The following ADD3 variants were observed in gnomAD, a reference collection of about 807,000 sequenced individuals.
The protein encoded by ADD3 is adducin 3, also known as gamma-adducin.
A neutral mutation model predicts 80.2 loss-of-function variants in ADD3; 25 were observed. That is an observed-to-expected ratio of 0.31 (90% CI 0.23 to 0.44). The LOEUF (loss-of-function observed/expected upper bound fraction) is 0.44, where lower values mean the gene tolerates loss of function less well. ADD3 is among the 20% of genes least tolerant of loss of function. ADD3 has a pLI of 1.00. For synonymous variants in ADD3, 284 were observed against 289.6 expected, an observed-to-expected ratio of 0.98 and a Z score of 0.20; for missense variants, 829 against 847.5, an observed-to-expected ratio of 0.98 and a Z score of 0.27.
chr10:110,091,542 C>G (rs1228364713), intron 1 of ADD3, among the ~76,000 whole-genome samples: 1 of 152,162 alleles, frequency 6.6e-6, no homozygotes, highest in African/African-American at 2.4e-5. Context: ...AAAGGATTCC[C>G]TATTCAATAA....
chr10:110,007,057 T>C (rs1359565739), upstream of ADD3, among the ~76,000 whole-genome samples: 1 of 151,604 alleles, frequency 6.6e-6, no homozygotes, highest in Non-Finnish European at 1.5e-5. Context: ...ATGAGAAACA[T>C]GTCTGGGCGA....
intron 11 of ADD3, 142 bp downstream of exon 11, chr10:110,126,087 A>T: frequency 1.2e-6 from 1 of 830,310 alleles, no homozygotes; most frequent in Non-Finnish European, 1.8e-6. Flanking sequence ...ATTTTAGCTT[A>T]TATTGAATGC....
chr10:110,118,611 G>A lies in ADD3; in HGVS notation c.592G>A (p.Val198Met), dbSNP rs1029930282. The A allele has an allele frequency of 6.2e-7, 1 of 1,613,990 alleles. No homozygotes were observed. Among genetic ancestry groups the A allele is most frequent in the Admixed American group, 1.7e-5 (1 of 60,030 alleles). ...NLVKVNIIGE[V>M]VDQGSTNLKI... ...GGTGAAAGTCAATATAATAGGAGAAGTGGTTGACCAGGGAAGTACCAATTT... is the reference window on the plus strand; with the variant it reads ...GGTGAAAGTCAATATAATAGGAGAAATGGTTGACCAGGGAAGTACCAATTT... The change falls in exon 6 of 15, where the codon GTG becomes ATG. Residue 198 changes from valine to methionine, a missense_variant. Val to Met is a conservative substitution (Grantham distance 21). Transcript: ENST00000356080.
At chr10:110,022,896 T>G (rs1037192303) in intron 1 of ADD3, among the ~76,000 whole-genome samples, 3 of 152,122 alleles carry the variant, frequency 2.0e-5, no homozygotes, top group Non-Finnish European at 4.4e-5. Context: ...CAAAGCCACG[T>G]AAGTCTGTGG....
At chr10:110,068,029 TAAAC>T (rs1391036886) in intron 1 of ADD3, among the ~76,000 whole-genome samples, 1 of 152,128 alleles carries the variant, frequency 6.6e-6, no homozygotes, top group Non-Finnish European at 1.5e-5. Flanking sequence ...ACCTTTCAGT[TAAAC>T]AAAACCAAAA....
intron 1 of ADD3, among the ~76,000 whole-genome samples, chr10:110,070,482 G>T (rs533790735): frequency 1.3e-5 from 2 of 152,330 alleles, no homozygotes; most frequent in South Asian, 4.1e-4. Flanking sequence ...TAGGTTATGT[G>T]ATCAGTACTG....
rs1271214597 is a variant in ADD3 at position 110,076,216 on chromosome 10, A to G, written c.-29-24409A>G. ...TGTTTCTGAATATGCGTATACAGAA[A>G]ACAGTATTGGTTAAAATCACTTGAA... On this transcript the variant is annotated intron_variant, in intron 1 of 14. Transcript: ENST00000356080. 3.3e-5 allele frequency among the ~76,000 whole-genome samples: 5 copies of G among 152,198 alleles called. No homozygotes were observed. The East Asian group carries it at 9.6e-4, about 29-fold the overall frequency.
chr10:110,011,084 C>CT (rs35981424), intron 1 of ADD3, among the ~76,000 whole-genome samples: 38,677 of 142,402 alleles, frequency 0.27, 7,263 homozygotes, highest in African/African-American at 0.53. Context: ...ATACTAAAGT[C>CT]TTTTTTTTTT....
intron 1 of ADD3, among the ~76,000 whole-genome samples, chr10:110,049,054 A>G (rs1857205690): frequency 6.6e-6 from 1 of 152,162 alleles, no homozygotes; most frequent in African/African-American, 2.4e-5. Context: ...CTTGTGTCCC[A>G]ATCACTCTAG....
chr10:110,012,830 C>A (rs1182090820), intron 1 of ADD3, among the ~76,000 whole-genome samples: 1 of 151,896 alleles, frequency 6.6e-6, no homozygotes, highest in African/African-American at 2.4e-5. Context: ...AACTCCTGGG[C>A]TCAAGCCATC....
intron 1 of ADD3, among the ~76,000 whole-genome samples, chr10:110,035,268 C>T (rs1326539119): frequency 6.6e-6 from 1 of 152,142 alleles, no homozygotes; most frequent in Non-Finnish European, 1.5e-5. Context: ...ATTATGTCAG[C>T]GCCCCCTTGC....
chr10:110,078,776 A>C (rs1174039351), intron 1 of ADD3, among the ~76,000 whole-genome samples: 1 of 152,208 alleles, frequency 6.6e-6, no homozygotes, highest in Non-Finnish European at 1.5e-5. Context: ...GTTTCATTTC[A>C]AAAAATATTG....
chr10:110,091,858 T>G (rs1262215444), intron 1 of ADD3, among the ~76,000 whole-genome samples: 3 of 152,040 alleles, frequency 2.0e-5, no homozygotes, highest in Non-Finnish European at 2.9e-5. Context: ...CCAACAAAGG[T>G]GTAATATCCA....
At chr10:110,127,482 TGGCG>T in intron 12 of ADD3, among the ~76,000 whole-genome samples, 1 of 152,304 alleles carries the variant, frequency 6.6e-6, no homozygotes, top group Admixed American at 6.5e-5. Flanking sequence ...CTGTGCGTGG[TGGCG>T]TGCACCTGTA....
At position 110,029,316 on chromosome 10, in the gene ADD3, A is replaced by G. The variant is rs550730399; in HGVS notation, c.-30+21017A>G. 2.6e-5 allele frequency among the ~76,000 whole-genome samples: 4 copies of G among 152,344 alleles called. No homozygotes were observed. In the South Asian group the frequency reaches 8.3e-4, roughly 32 times the overall value. On this transcript the variant is annotated intron_variant, in intron 1 of 14. Coordinates refer to ENST00000356080, the MANE Select transcript of ADD3 (RefSeq NM_016824.5). ...TTATAAACTTGTAGTAATTGGAACT[A>G]AGGAAAACATCTCTAAATGGAAGAA...
At chr10:110,054,688 C>G (rs1307349940) in intron 1 of ADD3, among the ~76,000 whole-genome samples, 1 of 151,322 alleles carries the variant, frequency 6.6e-6, no homozygotes, top group East Asian at 1.9e-4. Context: ...TCTCCGCTCA[C>G]TGCAAGCTCT....
At chr10:110,122,904 T>G (rs773712507) in intron 9 of ADD3, among the ~76,000 whole-genome samples, 10 of 152,104 alleles carry the variant, frequency 6.6e-5, no homozygotes, top group African/African-American at 1.2e-4. Context: ...AGTGCTGGGA[T>G]TACTGGCGTG....
At chr10:110,020,893 G>A (rs1253086333) in intron 1 of ADD3, among the ~76,000 whole-genome samples, 1 of 152,218 alleles carries the variant, frequency 6.6e-6, no homozygotes, top group South Asian at 2.1e-4. Context: ...AGAAGGAGCA[G>A]TTTGGAGAAT....
intron 7 of ADD3, 22 bp from the exon 8 acceptor site, chr10:110,119,444 T>G: frequency 6.2e-7 from 1 of 1,613,618 alleles, no homozygotes; most frequent in Non-Finnish European, 8.5e-7. Flanking sequence ...TTCAAGTGAT[T>G]GCTGTGGGCA....
Sources: gnomAD v4.1 joint callset for allele counts (sites outside exome capture counted in the v4.1 genomes callset) on GRCh38, gnomAD v4.1.1 for gene constraint, MANE v1.5 for transcripts, NCBI Gene and HGNC (gene_info 2026-07-23, HGNC 2026-07-21) for gene names.